HIVEP3: variants seen among roughly 807,000 people sequenced by gnomAD.
HIVEP3 encodes HIVEP zinc finger 3.
In HIVEP3, 49 loss-of-function variants were observed where a neutral mutation model predicts 152.8. The observed-to-expected ratio is 0.32, with a 90% confidence interval of 0.26 to 0.41. HIVEP3 has a LOEUF of 0.41. HIVEP3 is among the 10% of genes least tolerant of loss of function. The probability of loss-of-function intolerance (pLI) is 1.00; values close to 1 mark genes in which losing one functional copy is unlikely to be tolerated. For synonymous variants in HIVEP3, 1,269 were observed against 1,289.0 expected (o/e 0.98, Z 0.33); for missense variants, 2,790 against 3,103.3 (o/e 0.90, Z 2.40).
At chr1:41,868,310 A>G (rs1402473213) in intron 1 of HIVEP3, among the ~76,000 whole-genome samples, 1 of 151,874 alleles carries the variant, frequency 6.6e-6, no homozygotes, top group Non-Finnish European at 1.5e-5. Flanking sequence ...GGTGCTCTAC[A>G]AATATACAAA....
intron 2 of HIVEP3, among the ~76,000 whole-genome samples, chr1:41,643,586 C>G (rs1027177540): frequency 6.6e-6 from 1 of 152,232 alleles, no homozygotes; most frequent in African/African-American, 2.4e-5. Flanking sequence ...ACTAAAGTGA[C>G]AGATACACAG....
At chr1:41,910,234 T>G (rs914966159) in intron 1 of HIVEP3, among the ~76,000 whole-genome samples, 3 of 151,882 alleles carry the variant, frequency 2.0e-5, no homozygotes, top group African/African-American at 7.2e-5. Context: ...AAAGTGGACA[T>G]AACCACAGAT....
intron 1 of HIVEP3, among the ~76,000 whole-genome samples, chr1:41,883,396 C>A (rs72963281): frequency 0.014 from 2,088 of 152,286 alleles, 38 homozygotes; most frequent in African/African-American, 0.047. Context: ...TCTCCCACCA[C>A]CCTTCCCCTA....
intron 1 of HIVEP3, among the ~76,000 whole-genome samples, chr1:41,765,919 CCTT>C (rs1647980783): frequency 6.6e-6 from 1 of 152,222 alleles, no homozygotes; most frequent in Admixed American, 6.5e-5. Context: ...TGTGCCTGCT[CCTT>C]CTTTCTCTCC....
Position 41,510,647 on chromosome 1 carries a change from T to C in HIVEP3, c.7025A>G (p.Glu2342Gly), listed in dbSNP as rs772415410. The C allele has an allele frequency of 3.3e-6, 5 of 1,537,562 alleles. No homozygotes were observed. In the East Asian group the frequency reaches 1.2e-4, roughly 38 times the overall value. Residue 2342 changes from glutamate (E) to glycine (G), a missense_variant, in exon 9 of 9, where the codon GAG becomes GGG. Coordinates refer to ENST00000372583, the MANE Select transcript of HIVEP3 (RefSeq NM_024503.5). ...LESPRAPTNP[E>G]PSATPPLDRS... ...GTCCAGCGGCGGGGTGGCAGAAGGC[T>C]CGGGGTTGGTCGGTGCACGCGGGGA... is the stretch of plus-strand genomic sequence containing the variant.
intron 1 of HIVEP3, among the ~76,000 whole-genome samples, chr1:41,726,193 T>C (rs1207628662): frequency 6.6e-6 from 1 of 152,178 alleles, no homozygotes; most frequent in Non-Finnish European, 1.5e-5. Context: ...TCATGAGCCC[T>C]CGAGAAGCCA....
In HIVEP3 at chr1:41,638,804, G is replaced by A. The variant is rs566706247; in HGVS notation, c.-720-9857C>T. On this transcript the variant is annotated intron_variant, in intron 2 of 8. Coordinates refer to ENST00000372583, the MANE Select transcript of HIVEP3 (RefSeq NM_024503.5). ...CCAGCAGCTGGTAGGGGCCGCATCC[G>A]GTCTGGGCACTGGGGGTTGGCATCA... Among the ~76,000 whole-genome samples the A allele has an allele frequency of 3.3e-5, 5 of 152,336 alleles. 1 individual carries two copies. The highest frequency in any genetic ancestry group is 4.1e-4 in the South Asian group (2 of 4,830).
At chr1:41,842,532 G>A (rs1239701930) in intron 1 of HIVEP3, among the ~76,000 whole-genome samples, 1 of 151,996 alleles carries the variant, frequency 6.6e-6, no homozygotes, top group African/African-American at 2.4e-5. Context: ...GCAGCCTCTG[G>A]GGCTTTATCC....
rs1396084828 is a variant in HIVEP3 at position 41,544,995 on chromosome 1, G to C, written c.5208-20085C>G. Among the ~76,000 whole-genome samples, 4 of 29,442 alleles carry C rather than the reference G, an allele frequency of 1.4e-4. 2 individuals are homozygous for C. Among genetic ancestry groups the C allele is most frequent in the Non-Finnish European group, 2.7e-4 (4 of 14,660 alleles). 19.3% of individuals were successfully genotyped at this position (29,442 alleles called of 152,430 possible). A position where few individuals can be genotyped will look rare whatever the true frequency, so the allele number is the denominator to read the frequency against. On this transcript the variant is annotated intron_variant, in intron 5 of 8. Coordinates refer to ENST00000372583, the MANE Select transcript of HIVEP3 (RefSeq NM_024503.5). Reference sequence around the variant, plus strand: ...CACCACTATCACCGCCACCACCATCGCTACCATCACCACCACCACCACTAC... The same window carrying C: ...CACCACTATCACCGCCACCACCATCCCTACCATCACCACCACCACCACTAC...
At chr1:41,810,355 T>C (rs547298126) in intron 1 of HIVEP3, among the ~76,000 whole-genome samples, 1 of 152,332 alleles carries the variant, frequency 6.6e-6, no homozygotes, top group Non-Finnish European at 1.5e-5. Flanking sequence ...TCCACAAGCA[T>C]CCTAGCATCA....
chr1:41,712,996 C>T (rs1646537712), intron 1 of HIVEP3, among the ~76,000 whole-genome samples: 1 of 152,170 alleles, frequency 6.6e-6, no homozygotes, highest in Non-Finnish European at 1.5e-5. Flanking sequence ...TGGTGTCAGA[C>T]ACACGTGGTC....
rs111637699 is a variant in HIVEP3 at position 41,786,754 on chromosome 1, C to CTT, written c.-800-85761_-800-85760dup. On this transcript the variant is annotated intron_variant, in intron 1 of 8. Transcript: ENST00000372583. ...ATAAGCTACACATGTAATTTTCTTTCTTTTTTTTTTTTTTTGAGATGGGGT... is the reference window on the plus strand; with the variant it reads ...ATAAGCTACACATGTAATTTTCTTTCTTTTTTTTTTTTTTTTTGAGATGGGGT... 6.6e-3 allele frequency among the ~76,000 whole-genome samples: 927 copies of CTT among 140,914 alleles called. 9 individuals carry two copies. Among genetic ancestry groups the CTT allele is most frequent in the African/African-American group, 0.022 (849 of 38,158 alleles). 92.4% of individuals were successfully genotyped at this position (140,914 alleles called of 152,430 possible).
At chr1:41,928,062 A>G (rs1030362511) in intron 1 of HIVEP3, among the ~76,000 whole-genome samples, 4 of 92,210 alleles carry the variant, frequency 4.3e-5, no homozygotes, top group Non-Finnish European at 7.7e-5. Context: ...CTCCATCTCA[A>G]AAAAAAAAAA....
At chr1:41,556,485 GGTT>G (rs1025680940) in intron 5 of HIVEP3, among the ~76,000 whole-genome samples, 1 of 152,088 alleles carries the variant, frequency 6.6e-6, no homozygotes, top group East Asian at 1.9e-4. Flanking sequence ...TTTGGATTGA[GGTT>G]GTTGTTGTTG....
At chr1:41,698,879 C>T (rs1646317987) in intron 2 of HIVEP3, among the ~76,000 whole-genome samples, 1 of 152,290 alleles carries the variant, frequency 6.6e-6, no homozygotes, top group Non-Finnish European at 1.5e-5. Flanking sequence ...GTTCCTTTGT[C>T]TATGTGTCCC....
chr1:41,907,294 G>A (rs957679165), intron 1 of HIVEP3, among the ~76,000 whole-genome samples: 1 of 152,090 alleles, frequency 6.6e-6, no homozygotes, highest in African/African-American at 2.4e-5. Flanking sequence ...TAGGGGAGAG[G>A]GGCTACAGTA....
intron 1 of HIVEP3, among the ~76,000 whole-genome samples, chr1:41,885,892 A>G (rs1183428296): frequency 6.6e-6 from 1 of 151,916 alleles, no homozygotes; most frequent in East Asian, 1.9e-4. Context: ...TACCCATGAT[A>G]ATTCTATAAA....
intron 2 of HIVEP3, among the ~76,000 whole-genome samples, chr1:41,695,311 A>G (rs938513196): frequency 6.6e-5 from 10 of 152,192 alleles, no homozygotes; most frequent in African/African-American, 2.4e-4. Flanking sequence ...ACAGCCCTGC[A>G]GTTCCATCCT....
chr1:41,853,387 G>A (rs1051031373), intron 1 of HIVEP3, among the ~76,000 whole-genome samples: 2 of 152,180 alleles, frequency 1.3e-5, no homozygotes, highest in Non-Finnish European at 2.9e-5. Flanking sequence ...ATGGTGAAAG[G>A]TGAAGGGGAA....
Sources: gnomAD v4.1 joint callset for allele counts (sites outside exome capture counted in the v4.1 genomes callset) on GRCh38, gnomAD v4.1.1 for gene constraint, MANE v1.5 for transcripts, NCBI Gene and HGNC (gene_info 2026-07-23, HGNC 2026-07-21) for gene names.